Variants in PPFIA2 observed in about 807,000 individuals in gnomAD.
PPFIA2 encodes the protein PPFI scaffold protein A2, also known as liprin-alpha-2.
A neutral mutation model predicts 175.5 loss-of-function variants in PPFIA2; 46 were observed. The ratio of observed to expected loss-of-function variants is 0.26; its 90% CI spans 0.21 to 0.34. The LOEUF is 0.34. Ranked by LOEUF, PPFIA2 falls within the 10% of genes least tolerant of loss-of-function variation. PPFIA2 has a pLI of 1.00. For synonymous variants in PPFIA2, 568 were observed against 511.4 expected (o/e 1.11, Z -1.49); for missense variants, 1,179 against 1,506.1 (o/e 0.78, Z 3.60).
chr12:81,410,324 C>A (rs190288997), intron 7 of PPFIA2, among the ~76,000 whole-genome samples: 1 of 152,140 alleles, frequency 6.6e-6, no homozygotes, highest in Non-Finnish European at 1.5e-5. Context: ...GCTCAAATGG[C>A]TCCCCTTTTA....
At chr12:81,706,037 A>T (rs1230053423) in intron 3 of PPFIA2, among the ~76,000 whole-genome samples, 2 of 152,214 alleles carry the variant, frequency 1.3e-5, no homozygotes, top group African/African-American at 4.8e-5. Flanking sequence ...TCTTATTTCA[A>T]AATGGGACTT....
intron 4 of PPFIA2, among the ~76,000 whole-genome samples, chr12:81,637,553 A>G (rs2064270832): frequency 6.6e-6 from 1 of 152,052 alleles, no homozygotes. Context: ...TTTCATACAA[A>G]TAATCTTTCA....
At chr12:81,539,288 G>T (rs1252582812) in intron 4 of PPFIA2, among the ~76,000 whole-genome samples, 6 of 151,826 alleles carry the variant, frequency 4.0e-5, no homozygotes, top group African/African-American at 1.5e-4. Flanking sequence ...AATCTGGGCA[G>T]GAAATATACA....
At chr12:81,276,053 C>A (rs970137828) in intron 28 of PPFIA2, among the ~76,000 whole-genome samples, 5 of 152,006 alleles carry the variant, frequency 3.3e-5, no homozygotes, top group Admixed American at 6.6e-5. Context: ...CAAAGTGCTG[C>A]GATTACAGGC....
chr12:81,261,740 C>A (rs933431655), intron 32 of PPFIA2, among the ~76,000 whole-genome samples: 4 of 152,146 alleles, frequency 2.6e-5, no homozygotes, highest in Admixed American at 6.6e-5. Context: ...AACAGGCAGA[C>A]CTTAAACCAC....
chr12:81,463,091 T>C (rs2054945020), intron 4 of PPFIA2, among the ~76,000 whole-genome samples: 1 of 152,042 alleles, frequency 6.6e-6, no homozygotes, highest in South Asian at 2.1e-4. Flanking sequence ...TAGACTTCCA[T>C]ATATATAAAA....
At chr12:81,323,357 C>T (rs2054087191) in intron 22 of PPFIA2, among the ~76,000 whole-genome samples, 1 of 152,070 alleles carries the variant, frequency 6.6e-6, no homozygotes, top group Non-Finnish European at 1.5e-5. Flanking sequence ...TTAGAAACAA[C>T]TGATAGGATA....
chr12:81,537,667 G>A (rs188756186), intron 4 of PPFIA2, among the ~76,000 whole-genome samples: 81 of 151,894 alleles, frequency 5.3e-4, no homozygotes, highest in Middle Eastern at 3.4e-3. Flanking sequence ...CTCAATTAGA[G>A]TGCATATCAA....
chr12:81,309,512 A>G (rs1439367504), intron 22 of PPFIA2, among the ~76,000 whole-genome samples: 1 of 152,134 alleles, frequency 6.6e-6, no homozygotes, highest in African/African-American at 2.4e-5. Flanking sequence ...AGCAAAGCAT[A>G]CTGTGATTTT....
intron 24 of PPFIA2, among the ~76,000 whole-genome samples, chr12:81,293,632 G>GA (rs549300759): frequency 0.025 from 3,624 of 146,384 alleles, 72 homozygotes; most frequent in Middle Eastern, 0.061. Flanking sequence ...AAAAAGTTAA[G>GA]AAAAAAAAAA....
intron 22 of PPFIA2, among the ~76,000 whole-genome samples, chr12:81,309,030 G>T (rs558319139): frequency 6.6e-6 from 1 of 152,232 alleles, no homozygotes; most frequent in East Asian, 1.9e-4. Flanking sequence ...GTCAAATAAT[G>T]TGACAATGCA....
chr12:81,441,915 G>A (rs1300330638), intron 6 of PPFIA2, among the ~76,000 whole-genome samples: 2 of 152,108 alleles, frequency 1.3e-5, no homozygotes, highest in Non-Finnish European at 1.5e-5. Flanking sequence ...GAGAGAGGAA[G>A]TTACCATATT....
intron 3 of PPFIA2, among the ~76,000 whole-genome samples, chr12:81,740,501 C>A (rs2153653097): frequency 6.6e-6 from 1 of 152,202 alleles, no homozygotes. Context: ...AAGAAGATGT[C>A]CACAACCACA....
rs137869482 is a variant in PPFIA2 at position 81,529,318 on chromosome 12, A to G, written c.304-71452T>C. 2.1e-3 allele frequency among the ~76,000 whole-genome samples: 316 copies of G among 152,122 alleles called. 2 individuals carry two copies. The highest frequency in any genetic ancestry group is 7.4e-3 in the African/African-American group (309 of 41,520). On this transcript the variant is annotated intron_variant, in intron 4 of 32. Transcript: ENST00000549396. ...CTATAGTCAATCAAAAAGACACCTG[A>G]GTCTATTTGCTAATATTTTATTTAC...
intron 3 of PPFIA2, among the ~76,000 whole-genome samples, chr12:81,707,079 C>T (rs528520809): frequency 1.5e-4 from 23 of 152,250 alleles, no homozygotes; most frequent in Admixed American, 1.4e-3. Flanking sequence ...TAGAAAAAAA[C>T]CTAGGCATTA....
At chr12:81,272,058 C>A (rs929081957) in intron 28 of PPFIA2, among the ~76,000 whole-genome samples, 2 of 152,040 alleles carry the variant, frequency 1.3e-5, no homozygotes, top group Non-Finnish European at 1.5e-5. Context: ...TTTCCTCTAG[C>A]ATTATTTAGT....
At chr12:81,285,438 A>G (rs2043087067) in intron 24 of PPFIA2, among the ~76,000 whole-genome samples, 1 of 152,134 alleles carries the variant, frequency 6.6e-6, no homozygotes, top group Non-Finnish European at 1.5e-5. Flanking sequence ...TTCCTGTATT[A>G]AAAACAAATG....
At chr12:81,300,344 G>A (rs918708568) in intron 22 of PPFIA2, among the ~76,000 whole-genome samples, 19 of 152,050 alleles carry the variant, frequency 1.2e-4, no homozygotes, top group African/African-American at 1.9e-4. Context: ...TTTTGAATGC[G>A]TATGTTTTAT....
intron 4 of PPFIA2, among the ~76,000 whole-genome samples, chr12:81,528,458 G>C (rs2064019079): frequency 6.6e-6 from 1 of 151,994 alleles, no homozygotes; most frequent in African/African-American, 2.4e-5. Context: ...TTTATAAGTG[G>C]AATCAGGCAA....
Sources: allele counts gnomAD v4.1 joint callset (sites outside exome capture counted in the v4.1 genomes callset), GRCh38; gene constraint gnomAD v4.1.1; transcripts MANE v1.5; gene names NCBI Gene and HGNC (gene_info 2026-07-23, HGNC 2026-07-21).